Variants in NAA15 observed in about 807,000 individuals in gnomAD.
The protein encoded by NAA15 is N-alpha-acetyltransferase 15, NatA auxiliary subunit, also known as N-terminal acetyltransferase.
Under a neutral mutation model 114.0 loss-of-function variants are expected in NAA15, and 34 were observed. That is an observed-to-expected ratio of 0.30 (90% confidence interval 0.23 to 0.40). NAA15 has a LOEUF of 0.40. Ranked by LOEUF, NAA15 falls within the 10% of genes least tolerant of loss-of-function variation. The pLI is 1.00. For synonymous variants in NAA15, 340 were observed against 338.0 expected (o/e 1.01, Z -0.06); for missense variants, 658 against 1,004.5 (o/e 0.66, Z 4.66).
At chr4:139,359,195 C>A (rs1272848042) in intron 11 of NAA15, among the ~76,000 whole-genome samples, 1 of 151,990 alleles carries the variant, frequency 6.6e-6, no homozygotes. Context: ...GTGGCATGAT[C>A]TCAGCTCACT....
Position 139,351,283 on chromosome 4 carries a change from T to C in NAA15, c.904T>C (p.Ser302Pro). The change falls in exon 8 of 20, where the codon TCT becomes CCT. Residue 302 changes from serine to proline, a missense_variant. Ser to Pro is a moderately conservative substitution (Grantham distance 74). Coordinates refer to ENST00000296543, the MANE Select transcript of NAA15 (RefSeq NM_057175.5). The stretch of plus-strand genomic sequence containing the variant: ...AAGAAGGCTGCCGTTAAACTTTTTA[T>C]CTGGTAAGTGAGAATAATTGCAAAG... ...VPRRLPLNFL[S>P]GEKFKECLDK... 1 of 1,590,610 alleles carries C rather than the reference T, an allele frequency of 6.3e-7. No homozygotes were observed.
intron 11 of NAA15, among the ~76,000 whole-genome samples, chr4:139,357,934 A>T: frequency 6.6e-6 from 1 of 152,278 alleles, no homozygotes; most frequent in Middle Eastern, 3.4e-3. Flanking sequence ...TGTTATTGAG[A>T]TGAAACTGTG....
At chr4:139,344,157 C>T in intron 5 of NAA15, 29 bp from the exon 6 acceptor site, 1 of 1,516,162 alleles carries the variant, frequency 6.6e-7, no homozygotes, top group Non-Finnish European at 8.9e-7. Context: ...AAAATTCTTA[C>T]TGTCAGTATT....
At chr4:139,361,697 A>G (rs772553040) in intron 13 of NAA15, 27 bp from the exon 14 acceptor site, 19 of 1,412,054 alleles carry the variant, frequency 1.3e-5, no homozygotes, top group Middle Eastern at 1.8e-4. Flanking sequence ...GTACTTCGGT[A>G]TAATAATAAA....
chr4:139,359,319 G>C (rs1000599943), intron 11 of NAA15, among the ~76,000 whole-genome samples: 7 of 151,688 alleles, frequency 4.6e-5, no homozygotes, highest in Non-Finnish European at 8.8e-5. Context: ...GTAGAGATGG[G>C]GTTTCACCAT....
chr4:139,372,373 C>T (rs1748466248), intron 15 of NAA15, among the ~76,000 whole-genome samples: 1 of 152,148 alleles, frequency 6.6e-6, no homozygotes, highest in Non-Finnish European at 1.5e-5. Context: ...CAGATAACAA[C>T]CTGTGGTCTA....
intron 14 of NAA15, among the ~76,000 whole-genome samples, chr4:139,369,632 G>A (rs1477885424): frequency 1.3e-5 from 2 of 151,728 alleles, no homozygotes; most frequent in Non-Finnish European, 2.9e-5. Context: ...CAGCTACTTG[G>A]GAGGCTGAGT....
chr4:139,302,064 G>T, intron 1 of NAA15: 1 of 424,010 alleles, frequency 2.4e-6, no homozygotes, highest in Non-Finnish European at 4.2e-6. Flanking sequence ...CCCTGGTTCC[G>T]GACTAGGCCC....
At chr4:139,360,876 T>C (rs1204917907) in intron 13 of NAA15, among the ~76,000 whole-genome samples, 1 of 152,172 alleles carries the variant, frequency 6.6e-6, no homozygotes, top group African/African-American at 2.4e-5. Flanking sequence ...TATGTTTTTA[T>C]TGATTTTTGA....
At chr4:139,317,362 G>A (rs770665587) in intron 1 of NAA15, among the ~76,000 whole-genome samples, 9 of 152,114 alleles carry the variant, frequency 5.9e-5, no homozygotes, top group Non-Finnish European at 1.3e-4. Context: ...GGTGGCTGAC[G>A]CCTGTAATCC....
chr4:139,384,513 T>C (rs934895228), intron 17 of NAA15, among the ~76,000 whole-genome samples: 1 of 151,854 alleles, frequency 6.6e-6, no homozygotes, highest in Non-Finnish European at 1.5e-5. Context: ...GTAAGCTCTT[T>C]TTGCAAATGT....
chr4:139,344,393 G>A, intron 6 of NAA15, 54 bp downstream of exon 6: 1 of 1,462,436 alleles, frequency 6.8e-7, no homozygotes, highest in Non-Finnish European at 9.3e-7. Flanking sequence ...ACAGAGCAAG[G>A]CTGAAAAATC....
intron 6 of NAA15, among the ~76,000 whole-genome samples, chr4:139,344,720 A>G (rs1437228396): frequency 6.6e-6 from 1 of 152,244 alleles, no homozygotes; most frequent in Non-Finnish European, 1.5e-5. Context: ...AGTATGTGCC[A>G]GATTTATTGC....
At chr4:139,337,580 A>T (rs1258999954) in intron 3 of NAA15, among the ~76,000 whole-genome samples, 2 of 152,240 alleles carry the variant, frequency 1.3e-5, no homozygotes, top group East Asian at 3.8e-4. Flanking sequence ...TTTATTAAGG[A>T]AGAGTAAGAG....
At chr4:139,344,942 G>C (rs1193833245) in intron 6 of NAA15, among the ~76,000 whole-genome samples, 2 of 152,160 alleles carry the variant, frequency 1.3e-5, no homozygotes, top group Non-Finnish European at 2.9e-5. Flanking sequence ...AGTCTTAACA[G>C]TTTTAGAAGT....
chr4:139,321,971 C>G (rs970694884), intron 1 of NAA15, among the ~76,000 whole-genome samples: 4 of 152,064 alleles, frequency 2.6e-5, no homozygotes, highest in African/African-American at 9.7e-5. Context: ...TAATTTTCCT[C>G]CCATAATTTT....
Position 139,354,096 on chromosome 4 carries a change from A to G in NAA15, c.1085A>G (p.Asn362Ser), listed in dbSNP as rs751509990. 2.5e-6 allele frequency: 4 copies of G among 1,611,522 alleles called. No homozygotes were observed. The highest frequency in any genetic ancestry group is 2.7e-5 in the African/African-American group (2 of 74,858). The change falls in exon 10 of 20, where the codon AAT becomes AGT. Residue 362 changes from asparagine (N) to serine (S), a missense_variant and splice_region_variant. This residue lies in a region of NAA15 where 281 missense variants were observed against 389.1 expected (regional missense o/e 0.72). Transcript: ENST00000296543. ...AAAAGCTGCCGGTTATTTAACCCCA[A>G]TGGTAAGTCCTCAAGTTTTATGTTT... is the stretch of plus-strand genomic sequence containing the variant. ...SLKSCRLFNP[N>S]DDGKEEPPTT...
At chr4:139,340,614 T>C (rs1010836886) in intron 3 of NAA15, among the ~76,000 whole-genome samples, 1 of 152,182 alleles carries the variant, frequency 6.6e-6, no homozygotes, top group African/African-American at 2.4e-5. Context: ...AGTAGTATGA[T>C]TTGCTGCATA....
At chr4:139,346,486 A>G (rs1747585698) in intron 6 of NAA15, among the ~76,000 whole-genome samples, 1 of 152,092 alleles carries the variant, frequency 6.6e-6, no homozygotes, top group Non-Finnish European at 1.5e-5. Flanking sequence ...GTGGGAGAAG[A>G]TAAGATGGTC....
Sources: allele counts gnomAD v4.1 joint callset (sites outside exome capture counted in the v4.1 genomes callset), GRCh38; gene constraint gnomAD v4.1.1; regional missense constraint gnomAD v4.1.1; transcripts MANE v1.5; gene names NCBI Gene and HGNC (gene_info 2026-07-23, HGNC 2026-07-21).